The following NEK10 variants were observed in gnomAD, a reference collection of about 807,000 sequenced individuals.
NEK10 encodes the protein serine/threonine-protein kinase Nek10.
NEK10 carries 122 observed loss-of-function variants against 159.8 expected under a neutral mutation model. The ratio of observed to expected loss-of-function variants is 0.76; its 90% CI spans 0.66 to 0.89. NEK10 has a LOEUF of 0.89. NEK10 is among the 40% of genes least tolerant of loss of function. The pLI is 0.00. For synonymous variants in NEK10, 466 were observed against 457.1 expected (o/e 1.02, Z -0.25); for missense variants, 1,342 against 1,323.1 (o/e 1.01, Z -0.22).
chr3:27,122,286 T>C (rs995022156), intron 32 of NEK10, among the ~76,000 whole-genome samples: 4 of 152,098 alleles, frequency 2.6e-5, no homozygotes, highest in African/African-American at 9.7e-5. Context: ...TCCACCATGA[T>C]TGTAAGTTTC....
chr3:27,256,598 AT>A (rs529807772), intron 22 of NEK10, among the ~76,000 whole-genome samples: 25 of 152,302 alleles, frequency 1.6e-4, no homozygotes, highest in African/African-American at 5.8e-4. Context: ...CTGTGATTCC[AT>A]TTTTTAGGTT....
At chr3:27,333,470 C>T (rs1207633965) in intron 5 of NEK10, among the ~76,000 whole-genome samples, 2 of 151,354 alleles carry the variant, frequency 1.3e-5, no homozygotes, top group Non-Finnish European at 2.9e-5. Context: ...CACTCAAACC[C>T]AGGAGGCAGA....
intron 11 of NEK10, among the ~76,000 whole-genome samples, chr3:27,305,418 G>T (rs905250229): frequency 6.6e-6 from 1 of 152,090 alleles, no homozygotes; most frequent in Non-Finnish European, 1.5e-5. Context: ...CAGCCACTTG[G>T]GAGGCTGAGG....
In NEK10 at chr3:27,122,148, C is replaced by A. The variant is rs993508651; in HGVS notation, c.3082-2280G>T. 2.6e-5 allele frequency among the ~76,000 whole-genome samples: 4 copies of A among 151,860 alleles called. No individual in the cohort carries two copies. The South Asian group carries it at 8.3e-4, about 32-fold the overall frequency. On this transcript the variant is annotated intron_variant, in intron 32 of 35. Transcript: ENST00000691995. ...GGTAATTGGATCATGGGGGTGGTTT[C>A]CCCCATGCTGTTGTCATGATAGTGT...
At chr3:27,294,523 G>A (rs1249484375) in intron 15 of NEK10, among the ~76,000 whole-genome samples, 1 of 152,164 alleles carries the variant, frequency 6.6e-6, no homozygotes, top group African/African-American at 2.4e-5. Context: ...CTGGCTTAAC[G>A]AAATGTCTCT....
chr3:27,293,259 C>T (rs2043131156), intron 16 of NEK10, among the ~76,000 whole-genome samples: 2 of 152,184 alleles, frequency 1.3e-5, no homozygotes, highest in African/African-American at 4.8e-5. Flanking sequence ...AAAAGAAGCT[C>T]ATATTTTAAT....
At chr3:27,125,082 T>G (rs1448984894) in intron 32 of NEK10, among the ~76,000 whole-genome samples, 1 of 151,718 alleles carries the variant, frequency 6.6e-6, no homozygotes, top group African/African-American at 2.4e-5. Flanking sequence ...CTGAATATAC[T>G]TTCGAACTAA....
chr3:27,132,002 AAG>A lies in NEK10; in HGVS notation c.2971-14_2971-13del. The A allele has an allele frequency of 6.8e-7, 1 of 1,480,106 alleles. No individual in the cohort carries two copies. The highest frequency in any genetic ancestry group is 9.4e-7 in the Non-Finnish European group (1 of 1,061,302). The allele number at this position is 1,480,106 out of a possible 1,614,324, so 91.7% of individuals were successfully genotyped here. A position where few individuals can be genotyped will look rare whatever the true frequency, so the allele number is the denominator to read the frequency against. ...AAAGCTGGAGGAAGCTGCATAAAAT[AAG>A]AAAACAATCATTATAAACAAATTGT... On this transcript the variant is annotated splice_polypyrimidine_tract_variant and intron_variant, in intron 31 of 35. Coordinates refer to ENST00000691995, the MANE Select transcript of NEK10 (RefSeq NM_001394966.1).
intron 1 of NEK10, among the ~76,000 whole-genome samples, chr3:27,362,769 AT>A (rs1043476662): frequency 1.3e-4 from 19 of 151,590 alleles, no homozygotes; most frequent in African/African-American, 4.1e-4. Flanking sequence ...ACTAAGTCCT[AT>A]TTTTCTATTA....
chr3:27,186,761 T>G (rs1330261128), intron 26 of NEK10, among the ~76,000 whole-genome samples: 1 of 152,164 alleles, frequency 6.6e-6, no homozygotes, highest in East Asian at 1.9e-4. Context: ...ATAATTGAAT[T>G]GTAGGCACCT....
intron 30 of NEK10, among the ~76,000 whole-genome samples, chr3:27,156,347 C>G (rs1002158571): frequency 2.6e-5 from 4 of 152,066 alleles, no homozygotes; most frequent in Admixed American, 1.3e-4. Context: ...AAGGAACAGT[C>G]AGCAGAGTAA....
chr3:27,115,900 A>C, intron 35 of NEK10, 40 bp downstream of exon 35: 1 of 1,438,966 alleles, frequency 6.9e-7, no homozygotes, highest in Non-Finnish European at 9.8e-7. Context: ...TGATGACCTC[A>C]ATTCATCTTT....
chr3:27,184,123 T>C (rs1484863065), intron 26 of NEK10, among the ~76,000 whole-genome samples: 1 of 152,198 alleles, frequency 6.6e-6, no homozygotes, highest in Non-Finnish European at 1.5e-5. Flanking sequence ...TTTGTATGGG[T>C]CTTTTTGTAA....
At chr3:27,311,322 T>A (rs2044679867) in intron 8 of NEK10, 1 of 203,100 alleles carries the variant, frequency 4.9e-6, no homozygotes, top group East Asian at 1.2e-4. Context: ...AGGCCTATTC[T>A]TCAAAGATCC....
At position 27,309,049 on chromosome 3, in the gene NEK10, A is replaced by C. The variant is rs774105223; in HGVS notation, c.637-44T>G. On this transcript the variant is annotated intron_variant, in intron 9 of 35. Transcript: ENST00000691995. Reference sequence around the variant, plus strand: ...TAAAGTTTAATTATATAAGTACTACAAGCTTCTTTTTTCAACATTAACATT... The same window carrying C: ...TAAAGTTTAATTATATAAGTACTACCAGCTTCTTTTTTCAACATTAACATT... The C allele has an allele frequency of 2.0e-6, 2 of 994,532 alleles. 1 individual carries two copies. The highest frequency in any genetic ancestry group is 3.0e-5 in the South Asian group (2 of 67,648). 61.6% of individuals were successfully genotyped at this position (994,532 alleles called of 1,614,324 possible). A position where few individuals can be genotyped will look rare whatever the true frequency, so the allele number is the denominator to read the frequency against.
At chr3:27,331,237 C>CAAAAAAAACAAACA (rs1553638956) in intron 5 of NEK10, among the ~76,000 whole-genome samples, 342 of 29,590 alleles carry the variant, frequency 0.012, 12 homozygotes, top group African/African-American at 0.019. Flanking sequence ...GACTCTGTCT[C>CAAAAAAAACAAACA]AAAAAAAAAA....
intron 1 of NEK10, among the ~76,000 whole-genome samples, chr3:27,361,996 A>C (rs1166226424): frequency 6.6e-6 from 1 of 152,236 alleles, no homozygotes; most frequent in Non-Finnish European, 1.5e-5. Flanking sequence ...TTGTAAAAGA[A>C]GACATTTTTT....
chr3:27,193,234 CT>C (rs1442179955), intron 25 of NEK10, among the ~76,000 whole-genome samples: 2 of 152,194 alleles, frequency 1.3e-5, no homozygotes, highest in Admixed American at 1.3e-4. Flanking sequence ...CATCCTTCCC[CT>C]GTAATCCCAC....
At chr3:27,199,636 C>G (rs1469780551) in intron 25 of NEK10, among the ~76,000 whole-genome samples, 2 of 152,136 alleles carry the variant, frequency 1.3e-5, no homozygotes, top group African/African-American at 2.4e-5. Context: ...ACGAATCATT[C>G]TATCATAAAA....
Sources: allele counts gnomAD v4.1 joint callset (sites outside exome capture counted in the v4.1 genomes callset), GRCh38; gene constraint gnomAD v4.1.1; transcripts MANE v1.5; gene names NCBI Gene and HGNC (gene_info 2026-07-23, HGNC 2026-07-21).